The following PTPRM variants were observed in gnomAD, a reference collection of about 807,000 sequenced individuals.
PTPRM encodes the protein protein tyrosine phosphatase receptor type M.
In PTPRM, 47 loss-of-function variants were observed where a neutral mutation model predicts 186.7. That is an observed-to-expected ratio of 0.25 (90% CI 0.20 to 0.32). The LOEUF (loss-of-function observed/expected upper bound fraction) is 0.32, where lower values mean the gene tolerates loss of function less well. Ranked by LOEUF, PTPRM falls within the 10% of genes least tolerant of loss-of-function variation. The pLI is 1.00. For synonymous variants in PTPRM, 668 were observed against 674.9 expected, an observed-to-expected ratio of 0.99 and a Z score of 0.16; for missense variants, 1,494 against 1,865.0, an observed-to-expected ratio of 0.80 and a Z score of 3.66.
At chr18:8,082,095 C>T (rs1278380844) in intron 9 of PTPRM, among the ~76,000 whole-genome samples, 2 of 151,948 alleles carry the variant, frequency 1.3e-5, no homozygotes, top group Non-Finnish European at 2.9e-5. Context: ...TTTACATGAG[C>T]GGATGCACAC....
chr18:7,728,332 A>G (rs996193468), intron 1 of PTPRM, among the ~76,000 whole-genome samples: 3 of 152,202 alleles, frequency 2.0e-5, no homozygotes, highest in African/African-American at 7.2e-5. Context: ...AAGGGTGAGG[A>G]GGGTGGAATT....
chr18:8,200,475 C>T (rs982622148), intron 14 of PTPRM, among the ~76,000 whole-genome samples: 1 of 152,232 alleles, frequency 6.6e-6, no homozygotes, highest in Non-Finnish European at 1.5e-5. Flanking sequence ...CAGGGCTGGC[C>T]CTGTGAGGCC....
chr18:7,844,936 A>T (rs1599022120), intron 2 of PTPRM, among the ~76,000 whole-genome samples: 1 of 152,238 alleles, frequency 6.6e-6, no homozygotes, highest in East Asian at 1.9e-4. Flanking sequence ...ACATTCATCA[A>T]TCTCTTTGAT....
intron 7 of PTPRM, among the ~76,000 whole-genome samples, chr18:8,055,414 T>G (rs1002075851): frequency 6.6e-6 from 1 of 152,202 alleles, no homozygotes; most frequent in South Asian, 2.1e-4. Context: ...TCTTGCTGTC[T>G]AGTTTTATAC....
At chr18:8,248,720 C>G (rs975219212) in intron 17 of PTPRM, among the ~76,000 whole-genome samples, 3 of 152,184 alleles carry the variant, frequency 2.0e-5, no homozygotes, top group African/African-American at 7.2e-5. Flanking sequence ...CCCCACCCCC[C>G]CACCAACATT....
chr18:8,037,697 C>A (rs1461873799), intron 7 of PTPRM, among the ~76,000 whole-genome samples: 1 of 151,962 alleles, frequency 6.6e-6, no homozygotes. Context: ...TTTGTAAAAT[C>A]TTAAGTGAGT....
chr18:8,089,067 A>G (rs551669120), intron 11 of PTPRM, among the ~76,000 whole-genome samples: 4 of 152,318 alleles, frequency 2.6e-5, no homozygotes, highest in East Asian at 3.9e-4. Context: ...TTCTGATGCA[A>G]GTGAGTTGTT....
chr18:8,164,998 G>A (rs1353740407), intron 14 of PTPRM, among the ~76,000 whole-genome samples: 5 of 151,760 alleles, frequency 3.3e-5, no homozygotes, highest in East Asian at 3.9e-4. Context: ...TGGAAACCCC[G>A]TCTCCACTAA....
intron 1 of PTPRM, among the ~76,000 whole-genome samples, chr18:7,761,226 C>T (rs1398675087): frequency 6.6e-6 from 1 of 152,026 alleles, no homozygotes; most frequent in Non-Finnish European, 1.5e-5. Context: ...ATCTAGCTTC[C>T]TTATTTAAAA....
intron 17 of PTPRM, among the ~76,000 whole-genome samples, chr18:8,249,304 A>C (rs1832746890): frequency 6.6e-6 from 1 of 152,148 alleles, no homozygotes; most frequent in African/African-American, 2.4e-5. Flanking sequence ...TTTGTTGCCT[A>C]AGGAAAAAAT....
intron 7 of PTPRM, among the ~76,000 whole-genome samples, chr18:7,993,009 C>A (rs544242584): frequency 2.8e-4 from 43 of 151,614 alleles, no homozygotes; most frequent in African/African-American, 1.0e-3. Flanking sequence ...ATCCTACCAC[C>A]ACACAATTAA....
At chr18:7,713,608 G>T (rs539982444) in intron 1 of PTPRM, among the ~76,000 whole-genome samples, 1 of 151,648 alleles carries the variant, frequency 6.6e-6, no homozygotes, top group South Asian at 2.1e-4. Context: ...CCATCAGTGT[G>T]CTGTATTCAG....
chr18:8,022,742 G>C (rs541056744), intron 7 of PTPRM, among the ~76,000 whole-genome samples: 121 of 152,252 alleles, frequency 7.9e-4, no homozygotes, highest in African/African-American at 2.7e-3. Flanking sequence ...AATAAGGCCT[G>C]TCCTTATCAA....
chr18:7,976,462 G>A (rs1422798682), intron 7 of PTPRM, among the ~76,000 whole-genome samples: 5 of 152,188 alleles, frequency 3.3e-5, no homozygotes, highest in Non-Finnish European at 7.3e-5. Context: ...GACTTTGTGT[G>A]GTGCTGATTG....
intron 5 of PTPRM, among the ~76,000 whole-genome samples, chr18:7,948,672 G>A (rs1342692153): frequency 6.6e-6 from 1 of 152,078 alleles, no homozygotes; most frequent in Non-Finnish European, 1.5e-5. Context: ...AACGTCAAAA[G>A]GGTTGAACTA....
At chr18:8,104,965 T>A (rs2091452389) in intron 11 of PTPRM, among the ~76,000 whole-genome samples, 1 of 152,198 alleles carries the variant, frequency 6.6e-6, no homozygotes, top group Admixed American at 6.5e-5. Flanking sequence ...GTTCCCTTTT[T>A]ATTTATTGGA....
At chr18:7,761,252 A>T (rs2041757711) in intron 1 of PTPRM, among the ~76,000 whole-genome samples, 1 of 152,148 alleles carries the variant, frequency 6.6e-6, no homozygotes, top group Admixed American at 6.5e-5. Context: ...ATAAGGAAAA[A>T]TTTTTCATTA....
At chr18:8,146,673 A>G (rs1429993643) in intron 14 of PTPRM, among the ~76,000 whole-genome samples, 1 of 152,092 alleles carries the variant, frequency 6.6e-6, no homozygotes, top group African/African-American at 2.4e-5. Context: ...CTCATTTGTC[A>G]ATTTTGGCAT....
intron 2 of PTPRM, among the ~76,000 whole-genome samples, chr18:7,824,411 A>T (rs568564773): frequency 2.3e-4 from 35 of 151,988 alleles, no homozygotes; most frequent in African/African-American, 8.0e-4. Flanking sequence ...GGACGTGGTG[A>T]TGTGGTTGGA....
Sources: allele counts gnomAD v4.1 joint callset (sites outside exome capture counted in the v4.1 genomes callset), GRCh38; gene constraint gnomAD v4.1.1; transcripts MANE v1.5; gene names NCBI Gene and HGNC (gene_info 2026-07-23, HGNC 2026-07-21).